DMD: variants seen among roughly 807,000 people sequenced by gnomAD.
DMD encodes the protein mutant dystrophin.
DMD carries 63 observed loss-of-function variants against 330.1 expected under a neutral mutation model. That is an observed-to-expected ratio of 0.19 (90% CI 0.16 to 0.24). The LOEUF is 0.24. Ranked by LOEUF, DMD falls within the 10% of genes least tolerant of loss-of-function variation. The pLI is 1.00. For synonymous variants in DMD, 1,223 were observed against 959.8 expected, an observed-to-expected ratio of 1.27 and a Z score of -5.07; for missense variants, 3,344 against 2,684.1, an observed-to-expected ratio of 1.25 and a Z score of -5.43.
chrX:33,203,316 A>AT (rs2051385259), intron 1 of DMD, among the ~76,000 whole-genome samples: 3 of 112,329 alleles, frequency 2.7e-5, no homozygotes, highest in African/African-American at 9.7e-5. Context: ...TAAATGTTTT[A>AT]CACTGAAGGC....
chrX:31,517,918 AACACACACACACACAC>A (rs372551324), intron 55 of DMD, among the ~76,000 whole-genome samples: 1,378 of 89,561 alleles, frequency 0.015, 6 homozygotes, highest in Middle Eastern at 0.026. Context: ...CTGTGTTTCA[AACACACACACACACAC>A]ACACACACAC....
chrX:32,887,642 G>C (rs1312877659), intron 2 of DMD, among the ~76,000 whole-genome samples: 2 of 103,175 alleles, frequency 1.9e-5, no homozygotes, highest in Non-Finnish European at 3.9e-5. Context: ...CAGCTACTCA[G>C]GAGGCTGAGG....
intron 6 of DMD, among the ~76,000 whole-genome samples, chrX:32,812,723 G>A (rs1304382643): frequency 8.9e-6 from 1 of 112,125 alleles, no homozygotes; most frequent in African/African-American, 3.2e-5. Context: ...ACAATTATTA[G>A]GAAATCGAAT....
At chrX:31,975,331 A>G (rs1239447343) in intron 44 of DMD, among the ~76,000 whole-genome samples, 1 of 111,921 alleles carries the variant, frequency 8.9e-6, no homozygotes, top group Non-Finnish European at 1.9e-5. Flanking sequence ...GAACTTTGCA[A>G]AGCGAATAGG....
intron 9 of DMD, among the ~76,000 whole-genome samples, chrX:32,669,243 C>T (rs369331241): frequency 9.0e-6 from 1 of 111,606 alleles, no homozygotes; most frequent in African/African-American, 3.3e-5. Flanking sequence ...CACACTTATA[C>T]TTAAAAATCC....
At chrX:31,760,999 C>T (rs1017298471) in intron 51 of DMD, among the ~76,000 whole-genome samples, 1 of 92,999 alleles carries the variant, frequency 1.1e-5, no homozygotes, top group Non-Finnish European at 2.0e-5. Context: ...GGCTGGAGTG[C>T]AGTAGCCTCC....
chrX:32,418,034 G>A (rs898069482), intron 29 of DMD, among the ~76,000 whole-genome samples: 1 of 110,674 alleles, frequency 9.0e-6, no homozygotes, highest in African/African-American at 3.3e-5. Context: ...AAGTCTTTTA[G>A]ACCATGGCTT....
intron 45 of DMD, among the ~76,000 whole-genome samples, chrX:31,954,156 G>A (rs1351539818): frequency 1.8e-5 from 2 of 111,245 alleles, no homozygotes; most frequent in Non-Finnish European, 3.8e-5. Flanking sequence ...ACCCATATTC[G>A]TTAAAGAGTT....
rs1352463072 is a variant in DMD, at chrX:31,882,242, C to T, written c.6913-6869G>A. ...AGCCTGTGTGGGATTGAAGTGAGAA[C>T]AAATCATCTATATAGCGTTTCCTAA... is the stretch of plus-strand genomic sequence containing the variant. On this transcript the variant is annotated intron_variant, in intron 47 of 78. Transcript: ENST00000357033. Among the ~76,000 whole-genome samples the T allele has an allele frequency of 7.2e-5, 8 of 111,673 alleles. No individual in the cohort carries two copies. The Admixed American group carries it at 7.6e-4, about 11-fold the overall frequency.
chrX:32,085,326 A>T (rs1056340363), intron 44 of DMD, among the ~76,000 whole-genome samples: 5 of 109,740 alleles, frequency 4.6e-5, no homozygotes, highest in Non-Finnish European at 7.6e-5. Flanking sequence ...AAGGGGTACA[A>T]GTGCAATTTT....
At chrX:33,047,287 G>A (rs910749435) in intron 1 of DMD, among the ~76,000 whole-genome samples, 2 of 111,817 alleles carry the variant, frequency 1.8e-5, no homozygotes, top group African/African-American at 6.5e-5. Context: ...CATTACTGAT[G>A]TACCTAGATT....
chrX:32,739,803 G>C lies in DMD; in HGVS notation c.650-40510C>G, dbSNP rs768187201. On this transcript the variant is annotated intron_variant, in intron 7 of 78. Coordinates refer to ENST00000357033, the MANE Select transcript of DMD (RefSeq NM_004006.3). ...CAGACATCAGAATCAACAGCAACTG[G>C]GAATTTGTGAGAAGTGCAACCGCTC... 3.6e-5 allele frequency among the ~76,000 whole-genome samples: 4 copies of C among 110,555 alleles called. No homozygotes were observed. The Admixed American group carries it at 3.9e-4, about 11-fold the overall frequency.
chrX:32,513,072 G>A (rs1352957188), intron 18 of DMD, among the ~76,000 whole-genome samples: 3 of 112,073 alleles, frequency 2.7e-5, no homozygotes, highest in African/African-American at 9.7e-5. Context: ...CTTTTTTACT[G>A]TATTAAGATA....
chrX:33,091,888 T>G (rs916550915), intron 1 of DMD, among the ~76,000 whole-genome samples: 3 of 112,108 alleles, frequency 2.7e-5, no homozygotes, highest in Admixed American at 9.5e-5. Context: ...TTTAGATAAA[T>G]ATTCCACAGT....
At chrX:33,122,108 C>T (rs765123831) in intron 1 of DMD, among the ~76,000 whole-genome samples, 2 of 111,492 alleles carry the variant, frequency 1.8e-5, no homozygotes, top group African/African-American at 3.3e-5. Flanking sequence ...TGCCTGTAAT[C>T]CCAGTTACTG....
chrX:33,228,842 G>A lies in DMD; in HGVS notation c.7+110417C>T, dbSNP rs111657848. Among the ~76,000 whole-genome samples the A allele has an allele frequency of 9.9e-3, 1,087 of 109,433 alleles. 15 individuals carry two copies. Among genetic ancestry groups the A allele is most frequent in the African/African-American group, 0.034 (1,038 of 30,238 alleles). On this transcript the variant is annotated intron_variant, in intron 1 of 17. Transcript: ENST00000288447. ...TGATATTCTTTTCAGTAATGTACGA[G>A]TGATCCCATTTCTCCACATTTTTGC...
chrX:32,760,277 T>A (rs972697812), intron 7 of DMD, among the ~76,000 whole-genome samples: 2 of 111,860 alleles, frequency 1.8e-5, no homozygotes, highest in Non-Finnish European at 3.8e-5. Context: ...GACATAAGTA[T>A]GTGAAATGGA....
chrX:32,634,424 C>T (rs187203882), intron 11 of DMD, among the ~76,000 whole-genome samples: 1 of 112,150 alleles, frequency 8.9e-6, no homozygotes, highest in Admixed American at 9.4e-5. Flanking sequence ...GTAGCCACCA[C>T]AGCTGGGAAT....
At chrX:33,276,303 G>A (rs2053234079) in intron 1 of DMD, among the ~76,000 whole-genome samples, 1 of 110,753 alleles carries the variant, frequency 9.0e-6, no homozygotes, top group Non-Finnish European at 1.9e-5. Flanking sequence ...GAAGAGGCTG[G>A]AGTATTTTTT....
Sources: allele counts gnomAD v4.1 joint callset (sites outside exome capture counted in the v4.1 genomes callset), GRCh38; gene constraint gnomAD v4.1.1; transcripts MANE v1.5; gene names NCBI Gene and HGNC (gene_info 2026-07-23, HGNC 2026-07-21).